The following SRPX2 variants were observed in gnomAD, a reference collection of about 807,000 sequenced individuals.
SRPX2 encodes sushi repeat containing protein X-linked 2.
A neutral mutation model predicts 45.3 loss-of-function variants in SRPX2; 26 were observed. The ratio of observed to expected loss-of-function variants is 0.57; its 90% CI spans 0.42 to 0.80. The LOEUF (loss-of-function observed/expected upper bound fraction) is 0.80, where lower values mean the gene tolerates loss of function less well. Ranked by LOEUF, SRPX2 falls within the 30% of genes least tolerant of loss-of-function variation. The pLI is 0.00. For synonymous variants in SRPX2, 125 were observed against 143.7 expected (o/e 0.87, Z 0.93); for missense variants, 355 against 399.8 (o/e 0.89, Z 0.95).
At position 100,670,746 on chromosome X, in the gene SRPX2, A is replaced by G. The variant is rs1285098930; in HGVS notation, c.1218-61A>G. On this transcript the variant is annotated intron_variant, in intron 10 of 10. Coordinates refer to ENST00000373004, the MANE Select transcript of SRPX2 (RefSeq NM_014467.3). ...GAGCTGCAAAAAGTCAGAGGGTAGT[A>G]GAGCCTGTGGGGATGGGTGCCCAGA... The G allele has an allele frequency of 2.6e-6, 3 of 1,175,618 alleles. No individual in the cohort carries two copies. In the Admixed American group the frequency reaches 6.6e-5, roughly 26 times the overall value.
In SRPX2 at chrX:100,670,892, G is replaced by C; in HGVS notation, c.1303G>C (p.Val435Leu). Residue 435 changes from valine (V) to leucine (L), a missense_variant, in exon 11 of 11, where the codon GTC (valine) becomes CTC (leucine). Val to Leu is a conservative substitution (Grantham distance 32, BLOSUM62 1). Coordinates refer to ENST00000373004, the MANE Select transcript of SRPX2 (RefSeq NM_014467.3). ...GIDRDRYMEP[V>L]TPEEIFTFID... is the part of the protein sequence containing the mutation. ...TGACCGAGACCGCTACATGGAACCT[G>C]TCACCCCCGAGGAAATCTTCACATT... is the stretch of plus-strand genomic sequence containing the variant. 1 of 1,211,472 alleles carries C rather than the reference G, an allele frequency of 8.3e-7. No homozygotes were observed. Among genetic ancestry groups the C allele is most frequent in the Non-Finnish European group, 1.1e-6 (1 of 895,475 alleles).
intron 3 of SRPX2, among the ~76,000 whole-genome samples, chrX:100,659,671 G>A (rs2083180681): frequency 9.0e-6 from 1 of 110,931 alleles, no homozygotes; most frequent in African/African-American, 3.3e-5. Context: ...CCCAAGAGTA[G>A]TGTTTACTGA....
chrX:100,649,669 T>G (rs2083146346), intron 2 of SRPX2: 1 of 111,374 alleles, frequency 9.0e-6, no homozygotes, highest in Non-Finnish European at 1.9e-5. Flanking sequence ...TGGAGGAGCT[T>G]CATCATCTGG....
At chrX:100,660,271 A>G (rs2083183057) in intron 3 of SRPX2, among the ~76,000 whole-genome samples, 1 of 111,473 alleles carries the variant, frequency 9.0e-6, no homozygotes, top group Admixed American at 9.5e-5. Context: ...TCACTTCAAA[A>G]TCTTGCCCAG....
At chrX:100,657,349 C>CTTTTTT (rs1163232018) in intron 3 of SRPX2, among the ~76,000 whole-genome samples, 353 of 28,382 alleles carry the variant, frequency 0.012, 104 homozygotes, top group African/African-American at 0.024. Flanking sequence ...TTATTTATGT[C>CTTTTTT]TTTTTTTTTT....
intron 3 of SRPX2, among the ~76,000 whole-genome samples, chrX:100,658,824 G>C (rs2083178410): frequency 9.0e-6 from 1 of 111,606 alleles, no homozygotes; most frequent in Non-Finnish European, 1.9e-5. Flanking sequence ...TCACTTCTTT[G>C]GTTAAGTTTA....
chrX:100,668,327 C>CAAA (rs1267822417), intron 9 of SRPX2, among the ~76,000 whole-genome samples: 2 of 34,351 alleles, frequency 5.8e-5, no homozygotes, highest in African/African-American at 2.1e-4. Context: ...AGCAGTTTTA[C>CAAA]AAAAAAAAAA....
chrX:100,663,064 A>G (rs1479310512), intron 4 of SRPX2, among the ~76,000 whole-genome samples: 1 of 112,087 alleles, frequency 8.9e-6, no homozygotes, highest in African/African-American at 3.2e-5. Context: ...TGAATGGGAT[A>G]GAAACACAAA....
In SRPX2 at chrX:100,663,153, G is replaced by A. The variant is rs140192881; in HGVS notation, c.355+786G>A. ...AGAAATGGGGCTGGTCAGAGAAGACGCTGTAGACGAGAAAAGAAGCTTGAT... is the reference window on the plus strand; with the variant it reads ...AGAAATGGGGCTGGTCAGAGAAGACACTGTAGACGAGAAAAGAAGCTTGAT... On this transcript the variant is annotated intron_variant, in intron 4 of 10. Transcript: ENST00000373004. Among the ~76,000 whole-genome samples the A allele has an allele frequency of 5.8e-3, 640 of 110,878 alleles. 4 individuals carry two copies. Among genetic ancestry groups the A allele is most frequent in the African/African-American group, 0.02 (611 of 30,407 alleles).
chrX:100,660,273 C>T (rs2147646183), intron 3 of SRPX2, among the ~76,000 whole-genome samples: 1 of 111,737 alleles, frequency 8.9e-6, no homozygotes, highest in South Asian at 3.8e-4. Flanking sequence ...ACTTCAAAAT[C>T]TTGCCCAGTG....
chrX:100,649,926 C>T (rs150665619), intron 2 of SRPX2, among the ~76,000 whole-genome samples: 4 of 112,082 alleles, frequency 3.6e-5, no homozygotes, highest in African/African-American at 1.3e-4. Context: ...AACTTCACTC[C>T]GGAAAGGACC....
At chrX:100,657,385 C>G (rs1384528970) in intron 3 of SRPX2, among the ~76,000 whole-genome samples, 2 of 14,569 alleles carry the variant, frequency 1.4e-4, no homozygotes, top group Non-Finnish European at 3.6e-4. Flanking sequence ...GAGTCTCACT[C>G]TGTCCCCCAG....
At chrX:100,658,451 C>A (rs950867944) in intron 3 of SRPX2, among the ~76,000 whole-genome samples, 8 of 112,034 alleles carry the variant, frequency 7.1e-5, no homozygotes, top group African/African-American at 2.6e-4. Flanking sequence ...GTTTGCTATT[C>A]TGTTCCATTG....
rs374231484 is a variant in SRPX2 at position 100,654,452 on chromosome X, T to G, written c.163+3587T>G. Among the ~76,000 whole-genome samples the G allele has an allele frequency of 3.6e-5, 4 of 111,879 alleles. No individual in the cohort carries two copies. In the East Asian group the frequency reaches 1.1e-3, roughly 31 times the overall value. On this transcript the variant is annotated intron_variant, in intron 3 of 10. Transcript: ENST00000373004. ...AGATGGTGTCTCCAGATGGCAGTAG[T>G]GTGTCTCAGTCACATGCTCAAAACG...
At chrX:100,656,147 C>T (rs2147643772) in intron 3 of SRPX2, among the ~76,000 whole-genome samples, 1 of 110,775 alleles carries the variant, frequency 9.0e-6, no homozygotes, top group East Asian at 2.8e-4. Context: ...AGGGGTGAGC[C>T]ACCACGCCCA....
At position 100,646,334 on chromosome X, in the gene SRPX2, G is replaced by A. The variant is rs750801585; in HGVS notation, c.12G>A (p.Gln4=). 1.2e-5 allele frequency: 14 copies of A among 1,210,652 alleles called. No individual in the cohort carries two copies. Among genetic ancestry groups the A allele is most frequent in the Admixed American group, 2.2e-5 (1 of 45,998 alleles). The change falls in exon 2 of 11, where the codon CAG becomes CAA. Residue 4 remains glutamine (Q), a synonymous_variant. Transcript: ENST00000373004. ...CCTCCCTTTCAAGGATGGCCAGTCA[G>A]CTAACTCAAAGAGGAGCTCTCTTTC... MAS[Q]LTQRGALFLL... is the part of the protein sequence containing the mutation.
At chrX:100,667,235 G>A in intron 8 of SRPX2, 39 bp from the exon 9 acceptor site, 1 of 1,211,299 alleles carries the variant, frequency 8.3e-7, no homozygotes, top group African/African-American at 1.7e-5. Flanking sequence ...GGATGGAGGA[G>A]AAAGCCGTAC....
intron 2 of SRPX2, among the ~76,000 whole-genome samples, chrX:100,647,584 C>T (rs2083139536): frequency 8.9e-6 from 1 of 111,949 alleles, no homozygotes; most frequent in South Asian, 3.7e-4. Flanking sequence ...CCTCCCCAAC[C>T]TCCCCTTGCT....
At chrX:100,667,705 T>TGTTG (rs2083209237) in intron 9 of SRPX2, among the ~76,000 whole-genome samples, 1 of 112,224 alleles carries the variant, frequency 8.9e-6, no homozygotes, top group Non-Finnish European at 1.9e-5. Context: ...CAAATGTAAA[T>TGTTG]GTTGGGAATT....
Sources: gnomAD v4.1 joint callset for allele counts (sites outside exome capture counted in the v4.1 genomes callset) on GRCh38, gnomAD v4.1.1 for gene constraint, MANE v1.5 for transcripts, NCBI Gene and HGNC (gene_info 2026-07-23, HGNC 2026-07-21) for gene names.